Variants in UNC13A observed in about 807,000 individuals in gnomAD.
UNC13A encodes protein unc-13 homolog A.
UNC13A carries 61 observed loss-of-function variants against 219.7 expected under a neutral mutation model. That is an observed-to-expected ratio of 0.28 (90% CI 0.23 to 0.34). UNC13A has a LOEUF of 0.34. Ranked by LOEUF, UNC13A falls within the 10% of genes least tolerant of loss-of-function variation. UNC13A has a pLI of 1.00. For synonymous variants in UNC13A, 920 were observed against 884.6 expected (o/e 1.04, Z -0.71); for missense variants, 1,476 against 2,270.3 (o/e 0.65, Z 7.11).
chr19:17,638,887 G>A (rs2076938779), intron 25 of UNC13A, among the ~76,000 whole-genome samples, 196 bp downstream of exon 25: 1 of 152,072 alleles, frequency 6.6e-6, no homozygotes, highest in African/African-American at 2.4e-5. Flanking sequence ...TGTACTGAGT[G>A]CCGACTATAT....
intron 16 of UNC13A, 33 bp from the exon 17 acceptor site, chr19:17,647,525 C>T (rs1227009828): frequency 2.5e-6 from 4 of 1,597,548 alleles, no homozygotes; most frequent in Non-Finnish European, 1.7e-6. Flanking sequence ...CTGACCCCAG[C>T]GCGCCCTGCA....
Position 17,688,297 on chromosome 19 carries a change from C to T in UNC13A, c.-98G>A. Reference sequence around the variant, plus strand: ...TGGGGCATCTCCCGGCTGCAGCCCGCGCTTGGCTCACGCCGGGGCCCGGCC... The same window carrying T: ...TGGGGCATCTCCCGGCTGCAGCCCGTGCTTGGCTCACGCCGGGGCCCGGCC... On this transcript the variant is annotated 5_prime_UTR_variant, in exon 1 of 44. Coordinates refer to ENST00000519716, the MANE Select transcript of UNC13A (RefSeq NM_001080421.3). 1 of 1,348,072 alleles carries T rather than the reference C, an allele frequency of 7.4e-7. No homozygotes were observed. The allele number at this position is 1,348,072 out of a possible 1,614,324, so 83.5% of individuals were successfully genotyped here.
At chr19:17,622,596 C>G (rs1702539837) in intron 36 of UNC13A, 1 of 153,204 alleles carries the variant, frequency 6.5e-6, no homozygotes, top group African/African-American at 2.4e-5. Flanking sequence ...CTTGTCTTGC[C>G]CACAAAGGGA....
chr19:17,687,826 C>T (rs2080143569), intron 1 of UNC13A, among the ~76,000 whole-genome samples: 1 of 152,132 alleles, frequency 6.6e-6, no homozygotes, highest in Non-Finnish European at 1.5e-5. Context: ...ACTACCGAGC[C>T]CAGACTCTTC....
intron 11 of UNC13A, among the ~76,000 whole-genome samples, chr19:17,654,445 G>A (rs773813544): frequency 1.3e-5 from 2 of 152,124 alleles, no homozygotes; most frequent in East Asian, 1.9e-4. Flanking sequence ...AAGAAATTTC[G>A]TTTGGTAATT....
intron 17 of UNC13A, 124 bp from the exon 18 acceptor site, chr19:17,646,235 A>G: frequency 7.4e-7 from 1 of 1,350,752 alleles, no homozygotes; most frequent in Non-Finnish European, 1.0e-6. Context: ...GAGCAATGGC[A>G]GGGCACGCTG....
chr19:17,682,832 G>C (rs531845610), intron 1 of UNC13A, among the ~76,000 whole-genome samples: 1 of 152,180 alleles, frequency 6.6e-6, no homozygotes, highest in Admixed American at 6.5e-5. Context: ...GGAGGCCAAA[G>C]CAGGTAGATC....
At chr19:17,684,185 T>C (rs1270352692) in intron 1 of UNC13A, among the ~76,000 whole-genome samples, 1 of 152,204 alleles carries the variant, frequency 6.6e-6, no homozygotes, top group Non-Finnish European at 1.5e-5. Flanking sequence ...CACACCACCA[T>C]GCTTTTGCTC....
At chr19:17,680,027 C>A (rs937566199) in intron 1 of UNC13A, among the ~76,000 whole-genome samples, 2 of 151,894 alleles carry the variant, frequency 1.3e-5, no homozygotes, top group African/African-American at 4.8e-5. Context: ...ACTGGGGCTC[C>A]CAGTGGGAGA....
chr19:17,629,114 A>G (rs1392205435), intron 31 of UNC13A, 126 bp downstream of exon 31: 1 of 758,230 alleles, frequency 1.3e-6, no homozygotes, highest in Non-Finnish European at 2.2e-6. Context: ...CACACAGACA[A>G]TCCAGTCAGA....
In UNC13A at chr19:17,656,127, C is replaced by CCTCCTCCAG. The variant is rs1342128468; in HGVS notation, c.1030_1038dup (p.Leu344_Glu346dup). On this transcript the variant is annotated inframe_insertion, in exon 10 of 44. Coordinates refer to ENST00000519716, the MANE Select transcript of UNC13A (RefSeq NM_001080421.3). ...AAATCGTCAGGCACCTCCTCCTCCT[C>CCTCCTCCAG]CTCCTCCAGCTCCTCCTCATCTTCA... is the stretch of plus-strand genomic sequence containing the variant. 1 of 1,548,628 alleles carries CCTCCTCCAG rather than the reference C, an allele frequency of 6.5e-7. No individual in the cohort carries two copies. The highest frequency in any genetic ancestry group is 1.4e-5 in the African/African-American group (1 of 73,180).
In UNC13A at chr19:17,685,587, C is replaced by T. The variant is rs192778689; in HGVS notation, c.22+2591G>A. Among the ~76,000 whole-genome samples the T allele has an allele frequency of 1.1e-3, 171 of 152,312 alleles. 1 individual carries two copies. The highest frequency in any genetic ancestry group is 3.9e-3 in the African/African-American group (162 of 41,570). ...CTATATGCGTGCTGGCAGACACACA[C>T]ACTCACACGTGTGTTGCTGGGACTA... On this transcript the variant is annotated intron_variant, in intron 1 of 43. Coordinates refer to ENST00000519716, the MANE Select transcript of UNC13A (RefSeq NM_001080421.3).
chr19:17,686,807 T>C (rs1029828254), intron 1 of UNC13A, among the ~76,000 whole-genome samples: 3 of 142,334 alleles, frequency 2.1e-5, no homozygotes, highest in African/African-American at 7.9e-5. Context: ...GGTTTGTGAA[T>C]GAATCGGCCG....
Position 17,611,835 on chromosome 19 carries a change from C to A in UNC13A, c.4579G>T (p.Val1527Leu). 6.2e-6 allele frequency: 10 copies of A among 1,614,114 alleles called. No homozygotes were observed. The highest frequency in any genetic ancestry group is 8.5e-6 in the Non-Finnish European group (10 of 1,179,944). ...SAQGLGVEDP[V>L]GEVSVHVELF... ...TCAACATGGACAGAGACTTCACCCA[C>A]AGGGTCTTCTACACCCAAGCCTGGG... is the stretch of plus-strand genomic sequence containing the variant. Residue 1527 changes from valine to leucine, a missense_variant, in exon 42 of 44, where the codon GTG (valine) becomes TTG (leucine). By Grantham distance (32) the Val-to-Leu change is conservative. Transcript: ENST00000519716.
chr19:17,653,821 C>CTTT (rs57243215), intron 11 of UNC13A, among the ~76,000 whole-genome samples: 5 of 78,248 alleles, frequency 6.4e-5, no homozygotes, highest in Non-Finnish European at 1.2e-4. Context: ...TATCACTTCT[C>CTTT]TTTTTTTTTT....
chr19:17,633,311 G>C lies in UNC13A; in HGVS notation c.3216-118C>G, dbSNP rs913335313. On this transcript the variant is annotated intron_variant, in intron 26 of 43. Transcript: ENST00000519716. ...GTAGGGTAGAGGGATTTGGGTTCAGGTTCCCTCATAGCCACTGCTGACTGA... is the reference window on the plus strand; with the variant it reads ...GTAGGGTAGAGGGATTTGGGTTCAGCTTCCCTCATAGCCACTGCTGACTGA... 5.5e-6 allele frequency: 5 copies of C among 901,674 alleles called. No homozygotes were observed. In the African/African-American group the frequency reaches 8.2e-5, roughly 15 times the overall value. The allele number at this position is 901,674 out of a possible 1,614,324, so 55.9% of individuals were successfully genotyped here.
rs1021198730 is a variant in UNC13A at position 17,603,734 on chromosome 19, C to G, written c.*2320G>C. 3 of 152,084 alleles carry G rather than the reference C, an allele frequency of 2.0e-5. No homozygotes were observed. Among genetic ancestry groups the G allele is most frequent in the African/African-American group, 7.2e-5 (3 of 41,386 alleles). 9.4% of individuals were successfully genotyped at this position (152,084 alleles called of 1,614,324 possible). A position where few individuals can be genotyped will look rare whatever the true frequency, so the allele number is the denominator to read the frequency against. ...CGTGGCCTTCTTAGCAATGCCAAAC[C>G]CTTGGGCACTGTGCAACTGGGACAA... is the stretch of plus-strand genomic sequence containing the variant. On this transcript the variant is annotated 3_prime_UTR_variant, in exon 44 of 44. Coordinates refer to ENST00000519716, the MANE Select transcript of UNC13A (RefSeq NM_001080421.3).
At chr19:17,687,765 C>T (rs2080142176) in intron 1 of UNC13A, among the ~76,000 whole-genome samples, 1 of 152,106 alleles carries the variant, frequency 6.6e-6, no homozygotes, top group African/African-American at 2.4e-5. Context: ...GACCCGTAAC[C>T]CAGCCCACAA....
rs181117570 is a variant in UNC13A, at chr19:17,602,111, G to A, written c.*3943C>T. ...GCATCTCTGATGGGGGCATGGTGAG[G>A]TCTCAGGCTCTGGGGCCTGAGAGAG... On this transcript the variant is annotated 3_prime_UTR_variant, in exon 44 of 44. Transcript: ENST00000519716. 871 of 152,684 alleles carry A rather than the reference G, an allele frequency of 5.7e-3. No homozygotes were observed. The highest frequency in any genetic ancestry group is 9.2e-3 in the Non-Finnish European group (624 of 68,050). 9.5% of individuals were successfully genotyped at this position (152,684 alleles called of 1,614,324 possible).
Sources: gnomAD v4.1 joint callset for allele counts (sites outside exome capture counted in the v4.1 genomes callset) on GRCh38, gnomAD v4.1.1 for gene constraint, MANE v1.5 for transcripts, NCBI Gene and HGNC (gene_info 2026-07-23, HGNC 2026-07-21) for gene names.